STXBP5L: variants seen among roughly 807,000 people sequenced by gnomAD.
The protein encoded by STXBP5L is syntaxin-binding protein 5-like.
Under a neutral mutation model 144.5 loss-of-function variants are expected in STXBP5L, and 65 were observed. That is an observed-to-expected ratio of 0.45 (90% CI 0.37 to 0.55). The LOEUF (loss-of-function observed/expected upper bound fraction) is 0.55. Among genes scored for constraint, STXBP5L ranks in the 20% least tolerant of loss-of-function variants. STXBP5L has a pLI of 0.00. For synonymous variants in STXBP5L, 505 were observed against 469.6 expected (o/e 1.08, Z -0.97); for missense variants, 1,298 against 1,405.5 (o/e 0.92, Z 1.22).
intron 5 of STXBP5L, among the ~76,000 whole-genome samples, chr3:121,051,435 C>T (rs2107591679): frequency 6.6e-6 from 1 of 152,316 alleles, no homozygotes; most frequent in South Asian, 2.1e-4. Context: ...AAGAAACTCA[C>T]TCAAAACCGC....
intron 3 of STXBP5L, among the ~76,000 whole-genome samples, chr3:120,990,664 G>C (rs1420566919): frequency 6.6e-6 from 1 of 152,124 alleles, no homozygotes; most frequent in Non-Finnish European, 1.5e-5. Flanking sequence ...AGAGCCCTCA[G>C]AAATAATGCC....
chr3:121,181,541 C>A (rs1303876636), intron 9 of STXBP5L, among the ~76,000 whole-genome samples: 1 of 152,284 alleles, frequency 6.6e-6, no homozygotes, highest in South Asian at 2.1e-4. Flanking sequence ...CAAGACCAAC[C>A]TGGCCAACAT....
rs917918694 is a variant in STXBP5L, at chr3:121,043,384, C to T, written c.369+1603C>T. The stretch of plus-strand genomic sequence containing the variant: ...CTTAGTGGTACCGTTCACTTCTCTC[C>T]GATGATAAGTCACATCTCAGTTTTA... On this transcript the variant is annotated intron_variant, in intron 4 of 26. Transcript: ENST00000471454. 6.6e-5 allele frequency among the ~76,000 whole-genome samples: 10 copies of T among 152,118 alleles called. No homozygotes were observed. The South Asian group carries it at 1.7e-3, about 25-fold the overall frequency.
chr3:120,917,063 A>T (rs1408170736), intron 2 of STXBP5L, among the ~76,000 whole-genome samples: 1 of 152,238 alleles, frequency 6.6e-6, no homozygotes, highest in Admixed American at 6.5e-5. Context: ...CGAGCAGAAT[A>T]ATATGAGGAA....
intron 22 of STXBP5L, among the ~76,000 whole-genome samples, chr3:121,391,241 C>T (rs534497465): frequency 3.9e-5 from 6 of 152,228 alleles, no homozygotes; most frequent in African/African-American, 1.4e-4. Context: ...TCCATCAGGT[C>T]ATTTAAGGTC....
chr3:121,205,959 G>C lies in STXBP5L; in HGVS notation c.914G>C (p.Cys305Ser). 1.3e-6 allele frequency: 2 copies of C among 1,517,384 alleles called. No individual in the cohort carries two copies. The highest frequency in any genetic ancestry group is 1.8e-6 in the Non-Finnish European group (2 of 1,137,860). The allele number at this position is 1,517,384 out of a possible 1,614,324, so 94.0% of individuals were successfully genotyped here. The change falls in exon 10 of 27, where the codon TGT (cysteine) becomes TCT (serine). Residue 305 changes from cysteine to serine, a missense_variant. Transcript: ENST00000471454. ...SQREGRKSESCKPILKVEYKT... is the reference protein window; with the variant it reads ...SQREGRKSESSKPILKVEYKT... ...AGAGAAGGAAGAAAATCTGAATCTT[G>C]TAAACCAATTCTTAAAGTAGAATAC...
At chr3:121,087,859 G>T (rs1258791354) in intron 5 of STXBP5L, among the ~76,000 whole-genome samples, 1 of 151,836 alleles carries the variant, frequency 6.6e-6, no homozygotes, top group African/African-American at 2.4e-5. Context: ...GTTGCTATAG[G>T]TATTTTATTA....
intron 19 of STXBP5L, among the ~76,000 whole-genome samples, chr3:121,317,007 A>T (rs1036655402): frequency 3.3e-5 from 5 of 152,206 alleles, no homozygotes; most frequent in Non-Finnish European, 7.3e-5. Flanking sequence ...AACTCTGTGG[A>T]TTAACACTTA....
intron 23 of STXBP5L, among the ~76,000 whole-genome samples, chr3:121,410,686 G>C (rs2047095427): frequency 6.6e-6 from 1 of 152,072 alleles, no homozygotes; most frequent in Non-Finnish European, 1.5e-5. Flanking sequence ...AGGAGAAATA[G>C]AAGAGGCTTA....
At chr3:121,056,574 A>G (rs1008237310) in intron 5 of STXBP5L, among the ~76,000 whole-genome samples, 1 of 152,170 alleles carries the variant, frequency 6.6e-6, no homozygotes, top group Non-Finnish European at 1.5e-5. Context: ...AAAATATTTT[A>G]TAAAGGCAAT....
In STXBP5L at chr3:121,407,430, T is replaced by C. The variant is rs1444150136; in HGVS notation, c.2775T>C (p.Tyr925=). The C allele has an allele frequency of 2.5e-6, 4 of 1,613,128 alleles. No individual in the cohort carries two copies. The highest frequency in any genetic ancestry group is 3.4e-6 in the Non-Finnish European group (4 of 1,179,432). Reference sequence around the variant, plus strand: ...CCCAAGAAATAGGAGATCATCAGTATACAATAATCTGCTCAGAAAAACAAG... The same window carrying C: ...CCCAAGAAATAGGAGATCATCAGTACACAATAATCTGCTCAGAAAAACAAG... ...SASQEIGDHQ[Y]TIICSEKQAK... Residue 925 remains tyrosine (Y), a synonymous_variant, in exon 23 of 27, where the codon TAT becomes TAC. Coordinates refer to ENST00000471454, the MANE Select transcript of STXBP5L (RefSeq NM_001308330.2).
chr3:120,911,121 A>G (rs999247183), intron 2 of STXBP5L, among the ~76,000 whole-genome samples: 1 of 152,124 alleles, frequency 6.6e-6, no homozygotes, highest in Non-Finnish European at 1.5e-5. Context: ...CATGTATATG[A>G]CAGTGATACA....
intron 7 of STXBP5L, among the ~76,000 whole-genome samples, chr3:121,129,267 A>T (rs2044859617): frequency 6.6e-6 from 1 of 152,048 alleles, no homozygotes. Context: ...GGAAAGGAAA[A>T]TGGAATCTCC....
chr3:121,041,928 T>C (rs192513982), intron 4 of STXBP5L, 147 bp downstream of exon 4: 155 of 575,622 alleles, frequency 2.7e-4, no homozygotes, highest in African/African-American at 2.7e-3. Flanking sequence ...CACAAAAGAC[T>C]GTACTCCTGT....
chr3:121,194,135 A>G (rs996705796), intron 9 of STXBP5L, among the ~76,000 whole-genome samples: 4 of 152,098 alleles, frequency 2.6e-5, no homozygotes, highest in Non-Finnish European at 4.4e-5. Context: ...CAATGTTACG[A>G]TATTTTCATT....
intron 5 of STXBP5L, among the ~76,000 whole-genome samples, chr3:121,097,465 G>A (rs1292217419): frequency 2.0e-5 from 3 of 152,322 alleles, no homozygotes; most frequent in East Asian, 3.9e-4. Context: ...GAACCTCCTG[G>A]TCTGCGGGGT....
At chr3:121,032,754 G>T (rs1213157304) in intron 3 of STXBP5L, among the ~76,000 whole-genome samples, 1 of 77,110 alleles carries the variant, frequency 1.3e-5, no homozygotes, top group African/African-American at 5.2e-5. Flanking sequence ...ATCAAAAAGT[G>T]GGCGAAGGAC....
intron 5 of STXBP5L, among the ~76,000 whole-genome samples, chr3:121,060,001 A>G (rs1462303274): frequency 1.3e-5 from 2 of 152,166 alleles, no homozygotes; most frequent in African/African-American, 4.8e-5. Context: ...AGAACTTCCA[A>G]TACTATGTTG....
At chr3:121,091,779 A>C (rs1432228096) in intron 5 of STXBP5L, among the ~76,000 whole-genome samples, 1 of 152,130 alleles carries the variant, frequency 6.6e-6, no homozygotes, top group Non-Finnish European at 1.5e-5. Flanking sequence ...CTTTAGTTTA[A>C]TTAGATCCCA....
Sources: allele counts gnomAD v4.1 joint callset (sites outside exome capture counted in the v4.1 genomes callset), GRCh38; gene constraint gnomAD v4.1.1; transcripts MANE v1.5; gene names NCBI Gene and HGNC (gene_info 2026-07-23, HGNC 2026-07-21).